EDNRB: variants seen among roughly 807,000 people sequenced by gnomAD.
EDNRB encodes the protein Hirschsprung disease 2.
EDNRB carries 18 observed loss-of-function variants against 46.4 expected under a neutral mutation model. The observed-to-expected ratio is 0.39, with a 90% CI of 0.27 to 0.57. The LOEUF (loss-of-function observed/expected upper bound fraction) is 0.57, where lower values mean the gene tolerates loss of function less well. EDNRB is among the 20% of genes least tolerant of loss of function. The pLI, the probability that EDNRB is intolerant of heterozygous loss-of-function variation, is 0.61. For synonymous variants in EDNRB, 213 were observed against 204.9 expected, an observed-to-expected ratio of 1.04 and a Z score of -0.34; for missense variants, 434 against 537.5, an observed-to-expected ratio of 0.81 and a Z score of 1.90.
intron 1 of EDNRB, among the ~76,000 whole-genome samples, chr13:77,967,485 C>A (rs1257168065): frequency 6.6e-6 from 1 of 152,128 alleles, no homozygotes; most frequent in Admixed American, 6.5e-5. Flanking sequence ...TTATTTTGAG[C>A]AACTACATTA....
intron 1 of EDNRB, among the ~76,000 whole-genome samples, chr13:77,917,235 C>T (rs1879853239): frequency 6.6e-6 from 1 of 152,172 alleles, no homozygotes; most frequent in Non-Finnish European, 1.5e-5. Flanking sequence ...TTACTTTGAT[C>T]ATCCTACCAG....
chr13:77,896,705 G>T lies in EDNRB; in HGVS notation c.*1495C>A. The T allele has an allele frequency of 7.0e-7, 1 of 1,422,542 alleles. No homozygotes were observed. The highest frequency in any genetic ancestry group is 9.1e-7 in the Non-Finnish European group (1 of 1,094,080). The allele number at this position is 1,422,542 out of a possible 1,614,324, so 88.1% of individuals were successfully genotyped here. ...TCAGGACCTTTTGCATTGATGTGAC[G>T]AGGCAATGACGAACGTTAGGCTAAG... is the stretch of plus-strand genomic sequence containing the variant. On this transcript the variant is annotated 3_prime_UTR_variant, in exon 7 of 7. Transcript: ENST00000646607.
chr13:77,953,117 A>G (rs1881138378), intron 1 of EDNRB, among the ~76,000 whole-genome samples: 1 of 152,202 alleles, frequency 6.6e-6, no homozygotes. Context: ...TGAAACAACC[A>G]AAAATCAAAC....
intron 1 of EDNRB, among the ~76,000 whole-genome samples, chr13:77,913,346 G>A (rs963481213): frequency 6.6e-6 from 1 of 152,076 alleles, no homozygotes; most frequent in Non-Finnish European, 1.5e-5. Context: ...GCCTCTAATA[G>A]TAGCCTACAG....
chr13:77,967,270 T>C (rs1167656240), intron 1 of EDNRB, among the ~76,000 whole-genome samples: 1 of 152,156 alleles, frequency 6.6e-6, no homozygotes, highest in Non-Finnish European at 1.5e-5. Context: ...TTCTTTAATC[T>C]CTTCTATAGA....
intron 1 of EDNRB, among the ~76,000 whole-genome samples, chr13:77,909,651 A>G (rs1326502125): frequency 6.6e-6 from 1 of 152,060 alleles, no homozygotes; most frequent in Non-Finnish European, 1.5e-5. Flanking sequence ...AGAATATTCT[A>G]CAACATTTAT....
At position 77,898,209 on chromosome 13, in the gene EDNRB, G is replaced by A; in HGVS notation, c.1320C>T (p.Ser440=). The change falls in exon 7 of 7, where the codon AGC becomes AGT. Residue 440 remains serine, a synonymous_variant. Coordinates refer to ENST00000646607, the MANE Select transcript of EDNRB (RefSeq NM_001122659.3). Reference sequence around the variant, plus strand: ...GTGAATAGTTCTTCTTTCAAGATGAGCTGTATTTATTACTGGAACGGAAGT... The same window carrying A: ...GTGAATAGTTCTTCTTTCAAGATGAACTGTATTTATTACTGGAACGGAAGT... ...YDNFRSSNKY[S]SS 6.2e-7 allele frequency: 1 copy of A among 1,611,578 alleles called. No individual in the cohort carries two copies. Among genetic ancestry groups the A allele is most frequent in the Non-Finnish European group, 8.5e-7 (1 of 1,178,566 alleles).
Position 77,900,528 on chromosome 13 carries a change from G to A in EDNRB, c.1078C>T (p.Leu360Phe), listed in dbSNP as rs1878911386. 1 of 1,612,232 alleles carries A rather than the reference G, an allele frequency of 6.2e-7. No homozygotes were observed. Among genetic ancestry groups the A allele is most frequent in the Admixed American group, 1.7e-5 (1 of 59,818 alleles). The change falls in exon 5 of 7, where the codon CTT becomes TTT. Residue 360 changes from leucine to phenylalanine, a missense_variant. Physicochemically the swap from Leu to Phe is conservative, Grantham distance 22. Coordinates refer to ENST00000646607, the MANE Select transcript of EDNRB (RefSeq NM_001122659.3). ...CTAGTTTGCCTTTCTTACCTCAAAA[G>A]TTCACATCTATTGGGATCATTCTGA... Reference protein sequence around the residue: ...YNQNDPNRCELLSFLLVLDYI... With the variant: ...YNQNDPNRCEFLSFLLVLDYI...
Position 77,903,177 on chromosome 13 carries a change from A to C in EDNRB, c.780T>G (p.Val260=). ...TTACCTGCATGAAAGCTGTCTTCTG[A>C]ACGGGATGAAGCAAGCAGATTCGCA... ...SYLRICLLHP[V]QKTAFMQFYK... The change falls in exon 3 of 7, where the codon GTT becomes GTG. Residue 260 remains valine, a synonymous_variant. Transcript: ENST00000646607. 6.2e-7 allele frequency: 1 copy of C among 1,612,866 alleles called. No individual in the cohort carries two copies. The highest frequency in any genetic ancestry group is 8.5e-7 in the Non-Finnish European group (1 of 1,179,244).
At chr13:77,969,724 T>C (rs941929505) in intron 1 of EDNRB, among the ~76,000 whole-genome samples, 1 of 152,228 alleles carries the variant, frequency 6.6e-6, no homozygotes, top group Non-Finnish European at 1.5e-5. Context: ...AATGTGCTTA[T>C]GACTGGGAAC....
At chr13:77,965,185 C>T (rs1274276430) in intron 1 of EDNRB, among the ~76,000 whole-genome samples, 1 of 152,160 alleles carries the variant, frequency 6.6e-6, no homozygotes, top group African/African-American at 2.4e-5. Context: ...CAATAGACAA[C>T]TCAGTATTAC....
upstream of EDNRB, chr13:77,919,697 G>C (rs1348604798): frequency 2.2e-6 from 3 of 1,363,456 alleles, no homozygotes; most frequent in South Asian, 1.4e-5. Flanking sequence ...GCGATGCCTG[G>C]ACAGCATCAG....
At chr13:77,906,258 T>C (rs117172608) in intron 1 of EDNRB, among the ~76,000 whole-genome samples, 2,221 of 152,040 alleles carry the variant, frequency 0.015, 46 homozygotes, top group East Asian at 0.029. Flanking sequence ...TTTGAACCCA[T>C]GTAGCTTTAA....
chr13:77,928,959 C>T (rs1880313127), intron 1 of EDNRB, among the ~76,000 whole-genome samples: 1 of 152,146 alleles, frequency 6.6e-6, no homozygotes, highest in African/African-American at 2.4e-5. Context: ...AGGCCATTAA[C>T]AAAAGATGAA....
At chr13:77,952,068 G>T (rs1404073687) in intron 1 of EDNRB, among the ~76,000 whole-genome samples, 4 of 152,222 alleles carry the variant, frequency 2.6e-5, no homozygotes, top group African/African-American at 9.6e-5. Context: ...GCAGGGAAGA[G>T]GTCCCGATCC....
Position 77,896,024 on chromosome 13 carries a change from C to T in EDNRB, c.*2176G>A, listed in dbSNP as rs1357423757. 1 of 152,892 alleles carries T rather than the reference C, an allele frequency of 6.5e-6. No individual in the cohort carries two copies. The highest frequency in any genetic ancestry group is 2.4e-5 in the African/African-American group (1 of 41,432). 9.5% of individuals were successfully genotyped at this position (152,892 alleles called of 1,614,324 possible). A position where few individuals can be genotyped will look rare whatever the true frequency, so the allele number is the denominator to read the frequency against. On this transcript the variant is annotated 3_prime_UTR_variant, in exon 7 of 7. Coordinates refer to ENST00000646607, the MANE Select transcript of EDNRB (RefSeq NM_001122659.3). ...GTTGAACGATAGCACCTTTTTCTAT[C>T]TTGGTTTTGAGTATGTAAAGAAATT...
At chr13:77,963,110 G>A (rs1881475383) in intron 1 of EDNRB, among the ~76,000 whole-genome samples, 2 of 152,256 alleles carry the variant, frequency 1.3e-5, no homozygotes, top group East Asian at 1.9e-4. Context: ...ACTGCTCAAC[G>A]AAATAAAAGA....
chr13:77,961,617 A>T (rs1015547151), intron 1 of EDNRB, among the ~76,000 whole-genome samples: 1 of 152,210 alleles, frequency 6.6e-6, no homozygotes, highest in African/African-American at 2.4e-5. Context: ...AATCTCTGGG[A>T]CATATTTAAA....
At chr13:77,935,084 AG>A (rs1475166296) in intron 1 of EDNRB, among the ~76,000 whole-genome samples, 2 of 151,968 alleles carry the variant, frequency 1.3e-5, no homozygotes, top group Non-Finnish European at 2.9e-5. Flanking sequence ...GGGAGCAGAA[AG>A]TATATGTGTC....
Sources: allele counts gnomAD v4.1 joint callset (sites outside exome capture counted in the v4.1 genomes callset), GRCh38; gene constraint gnomAD v4.1.1; transcripts MANE v1.5; gene names NCBI Gene and HGNC (gene_info 2026-07-23, HGNC 2026-07-21).